Variants in OCIAD2 observed in about 807,000 individuals in gnomAD.
OCIAD2 encodes the protein OCIA domain containing 2.
Under a neutral mutation model 22.9 loss-of-function variants are expected in OCIAD2, and 29 were observed. That is an observed-to-expected ratio of 1.27 (90% CI 0.94 to 1.73). OCIAD2 has a LOEUF of 1.73. Ranked by LOEUF, OCIAD2 falls within the 40% of genes most tolerant of loss-of-function variation. The pLI is 0.00. For missense variants in OCIAD2, 189 were observed against 180.3 expected, an observed-to-expected ratio of 1.05 and a Z score of -0.28; for synonymous variants, 67 against 60.2, an observed-to-expected ratio of 1.11 and a Z score of -0.52.
chr4:48,885,484 T>A lies in OCIAD2; in HGVS notation c.465A>T (p.Ter155TyrextTer5), dbSNP rs1055240405. ...EKGDSQPSAS* is the reference protein window; with the variant it reads ...EKGDSQPSASY ...ACTTCGAAAGTCACAGACACAGAATTTAGGAAGCTGAAGGCTGAGAGTCTC... is the reference window on the plus strand; with the variant it reads ...ACTTCGAAAGTCACAGACACAGAATATAGGAAGCTGAAGGCTGAGAGTCTC... Residue 155 changes from the stop codon to tyrosine (Y), a stop_lost, in exon 7 of 7, where the codon TAA becomes TAT. Coordinates refer to ENST00000508632, the MANE Select transcript of OCIAD2 (RefSeq NM_001014446.3). The A allele has an allele frequency of 3.2e-6, 5 of 1,580,418 alleles. No homozygotes were observed. In the African/African-American group the frequency reaches 6.7e-5, roughly 21 times the overall value.
At chr4:48,899,017 T>G (rs1259221767) in intron 3 of OCIAD2, among the ~76,000 whole-genome samples, 1 of 152,182 alleles carries the variant, frequency 6.6e-6, no homozygotes, top group Admixed American at 6.5e-5. Context: ...AGAAAACACA[T>G]GAATTTCTGG....
At chr4:48,900,487 C>T (rs1449771735) in intron 2 of OCIAD2, among the ~76,000 whole-genome samples, 1 of 151,384 alleles carries the variant, frequency 6.6e-6, no homozygotes, top group African/African-American at 2.4e-5. Flanking sequence ...TTTTTTTTTA[C>T]ACATTTATAA....
At position 48,899,873 on chromosome 4, in the gene OCIAD2, G is replaced by T. The variant is rs946832444; in HGVS notation, c.119C>A (p.Ser40Ter). The stretch of plus-strand genomic sequence containing the variant: ...TTCCTGACATTCTCGCATAATCTTT[G>T]AGATCTCTGCTCTGTGGATGTGCAG... The part of the protein sequence containing the change: ...SKLHIHRAEI[S>*]KIMRECQEES... Residue 40 changes from serine (S) to a stop codon, truncating the protein, a stop_gained, in exon 3 of 7, where the codon TCA becomes TAA. Coordinates refer to ENST00000508632, the MANE Select transcript of OCIAD2 (RefSeq NM_001014446.3). LOFTEE classifies it high-confidence loss of function. The T allele has an allele frequency of 6.2e-7, 1 of 1,613,796 alleles. No homozygotes were observed. The highest frequency in any genetic ancestry group is 8.5e-7 in the Non-Finnish European group (1 of 1,179,900).
intron 4 of OCIAD2, among the ~76,000 whole-genome samples, chr4:48,896,771 TA>T (rs34978639): frequency 0.87 from 131,111 of 151,036 alleles, 57,149 homozygotes; most frequent in East Asian, 0.97. Flanking sequence ...TCGTCTCATT[TA>T]AAAAAAAAAA....
chr4:48,894,112 T>A, intron 4 of OCIAD2, 59 bp from the exon 5 acceptor site: 1 of 904,920 alleles, frequency 1.1e-6, no homozygotes, highest in Non-Finnish European at 1.5e-6. Context: ...TTATAAGTTA[T>A]AAATTATAAG....
At chr4:48,888,352 G>A (rs1781056317) in intron 6 of OCIAD2, among the ~76,000 whole-genome samples, 1 of 152,100 alleles carries the variant, frequency 6.6e-6, no homozygotes, top group African/African-American at 2.4e-5. Context: ...TGATTGCTCT[G>A]GCCAGAACTT....
In OCIAD2 at chr4:48,885,390, C is replaced by G. The variant is rs1478787668; in HGVS notation, c.*94G>C. The G allele has an allele frequency of 5.3e-6, 4 of 758,260 alleles. No homozygotes were observed. The highest frequency in any genetic ancestry group is 9.5e-6 in the Non-Finnish European group (4 of 423,074). The allele number at this position is 758,260 out of a possible 1,614,324, so 47.0% of individuals were successfully genotyped here. A position where few individuals can be genotyped will look rare whatever the true frequency, so the allele number is the denominator to read the frequency against. ...GAGTGACAGACACAATGTTTTTGTT[C>G]CATTAGAAGTATTTTATTTTAAAGT... is the stretch of plus-strand genomic sequence containing the variant. On this transcript the variant is annotated 3_prime_UTR_variant, in exon 7 of 7. Coordinates refer to ENST00000508632, the MANE Select transcript of OCIAD2 (RefSeq NM_001014446.3).
chr4:48,888,241 G>C (rs1412615009), intron 6 of OCIAD2, among the ~76,000 whole-genome samples: 1 of 152,188 alleles, frequency 6.6e-6, no homozygotes. Context: ...TTTGGGCTGA[G>C]ATGATGGGGT....
chr4:48,898,853 G>C (rs1011915839), intron 3 of OCIAD2, among the ~76,000 whole-genome samples: 2 of 152,174 alleles, frequency 1.3e-5, no homozygotes, highest in Non-Finnish European at 2.9e-5. Flanking sequence ...GCAGAGAGTA[G>C]TGATAAACAT....
chr4:48,891,324 A>G (rs1781174137), intron 6 of OCIAD2, among the ~76,000 whole-genome samples: 1 of 152,160 alleles, frequency 6.6e-6, no homozygotes, highest in Non-Finnish European at 1.5e-5. Context: ...CTTTAATTAG[A>G]AAATCAAATA....
chr4:48,887,119 T>G (rs1045778166), intron 6 of OCIAD2, among the ~76,000 whole-genome samples: 8 of 152,286 alleles, frequency 5.3e-5, no homozygotes, highest in Middle Eastern at 3.4e-3. Context: ...TCATGTGTCT[T>G]TTGGCTGCAT....
intron 2 of OCIAD2, among the ~76,000 whole-genome samples, chr4:48,903,635 GTTTT>G (rs35445469): frequency 3.0e-5 from 4 of 133,480 alleles, no homozygotes; most frequent in South Asian, 2.5e-4. Flanking sequence ...TAAAGAAAGG[GTTTT>G]TTTTTTTTTT....
At chr4:48,902,176 T>G (rs1014550620) in intron 2 of OCIAD2, among the ~76,000 whole-genome samples, 1 of 152,146 alleles carries the variant, frequency 6.6e-6, no homozygotes, top group Non-Finnish European at 1.5e-5. Flanking sequence ...ATCTCCAAGG[T>G]TTTAGTGTTT....
intron 2 of OCIAD2, among the ~76,000 whole-genome samples, chr4:48,900,845 C>T (rs1443931956): frequency 2.0e-5 from 3 of 152,054 alleles, no homozygotes; most frequent in South Asian, 2.1e-4. Flanking sequence ...CTGCCCTCAT[C>T]GGCCTTCCAA....
Position 48,894,283 on chromosome 4 carries a change from G to C in OCIAD2, c.218-230C>G, listed in dbSNP as rs1405801340. Among the ~76,000 whole-genome samples the C allele has an allele frequency of 2.0e-5, 3 of 151,966 alleles. No homozygotes were observed. The East Asian group carries it at 5.8e-4, about 29-fold the overall frequency. ...AGGCGGGCAGATCACCTGAGGTCAG[G>C]AGTTCGAAACCAGCTTGGCCAACAT... On this transcript the variant is annotated intron_variant, in intron 4 of 6. Transcript: ENST00000508632.
At chr4:48,893,982 T>A (rs754887309) in intron 5 of OCIAD2, 24 bp downstream of exon 5, 1 of 1,479,896 alleles carries the variant, frequency 6.8e-7, no homozygotes, top group South Asian at 1.5e-5. Context: ...ACACTTGGCT[T>A]GCTTTTTTAT....
intron 2 of OCIAD2, among the ~76,000 whole-genome samples, chr4:48,900,617 G>A (rs752593685): frequency 1.4e-5 from 2 of 147,560 alleles, no homozygotes; most frequent in South Asian, 4.3e-4. Flanking sequence ...ATCGTTGTGG[G>A]TACATAGTAG....
chr4:48,895,580 C>T (rs58706281), intron 4 of OCIAD2, among the ~76,000 whole-genome samples: 391 of 152,270 alleles, frequency 2.6e-3, no homozygotes, highest in African/African-American at 9.1e-3. Context: ...AATCAATTCA[C>T]GAGGGTGGAG....
chr4:48,896,594 C>T (rs754055814), intron 4 of OCIAD2, among the ~76,000 whole-genome samples: 11 of 151,990 alleles, frequency 7.2e-5, no homozygotes, highest in Non-Finnish European at 1.2e-4. Flanking sequence ...AACAAACAAA[C>T]GAACCAAAAA....
Sources: allele counts gnomAD v4.1 joint callset (sites outside exome capture counted in the v4.1 genomes callset), GRCh38; gene constraint gnomAD v4.1.1; transcripts MANE v1.5; gene names NCBI Gene and HGNC (gene_info 2026-07-23, HGNC 2026-07-21).